Variants in NFILZ observed in about 807,000 individuals in gnomAD.
NFILZ encodes NFIL3 like basic leucine zipper.
At chr19:8,664,619 G>A (rs530789450) in intron 3 of NFILZ, among the ~76,000 whole-genome samples, 8 of 152,282 alleles carry the variant, frequency 5.3e-5, no homozygotes, top group African/African-American at 1.9e-4. Context: ...ATCAGATTGA[G>A]AGTGCAGGGC....
At chr19:8,673,784 C>A (rs1555750496) in intron 3 of NFILZ, among the ~76,000 whole-genome samples, 1 of 152,148 alleles carries the variant, frequency 6.6e-6, no homozygotes, top group African/African-American at 2.4e-5. Context: ...TGGAGACCTT[C>A]CAGTAGCTAG....
At chr19:8,633,546 C>T (rs183713768) in intron 2 of NFILZ, among the ~76,000 whole-genome samples, 21 of 152,184 alleles carry the variant, frequency 1.4e-4, no homozygotes, top group African/African-American at 4.8e-4. Context: ...GGACCCTTGC[C>T]TAGGCTCTGA....
intron 3 of NFILZ, among the ~76,000 whole-genome samples, chr19:8,647,351 C>A (rs2042943198): frequency 6.6e-6 from 1 of 152,134 alleles, no homozygotes; most frequent in African/African-American, 2.4e-5. Context: ...GTGGGTGGAT[C>A]ACCTGAGGTC....
At position 8,678,183 on chromosome 19, in the gene NFILZ, A is replaced by ACTTG. The variant is rs2043126832; in HGVS notation, c.*548_*549insCTTG. Among the ~76,000 whole-genome samples, 1 of 49,116 alleles carries ACTTG rather than the reference A, an allele frequency of 2.0e-5. No homozygotes were observed. Among genetic ancestry groups the ACTTG allele is most frequent in the Non-Finnish European group, 4.2e-5 (1 of 23,850 alleles). 32.2% of individuals were successfully genotyped at this position (49,116 alleles called of 152,430 possible). On this transcript the variant is annotated 3_prime_UTR_variant, in exon 6 of 6. Transcript: ENST00000691075. ...CATCCATCCATCCATCCATCCATCCATCCATCCGTCCATCTATCCATCCAT... is the reference window on the plus strand; with the variant it reads ...CATCCATCCATCCATCCATCCATCCACTTGTCCATCCGTCCATCTATCCATCCAT...
chr19:8,631,922 T>G, intron 1 of NFILZ, among the ~76,000 whole-genome samples: 1 of 151,242 alleles, frequency 6.6e-6, no homozygotes, highest in South Asian at 2.1e-4. Context: ...CAGGCTGCAA[T>G]GCAGTGGCTC....
At chr19:8,648,746 G>A (rs2042953047) in intron 3 of NFILZ, among the ~76,000 whole-genome samples, 1 of 151,778 alleles carries the variant, frequency 6.6e-6, no homozygotes, top group African/African-American at 2.4e-5. Flanking sequence ...CAGCTACTTG[G>A]GAGGCTGAGG....
intron 3 of NFILZ, among the ~76,000 whole-genome samples, chr19:8,640,248 G>A (rs1408230827): frequency 6.6e-6 from 1 of 151,160 alleles, no homozygotes; most frequent in African/African-American, 2.4e-5. Context: ...CTGCCTGCAG[G>A]TTGCCTCTCA....
intron 2 of NFILZ, among the ~76,000 whole-genome samples, chr19:8,633,149 T>C (rs1249289089): frequency 6.6e-6 from 1 of 151,358 alleles, no homozygotes; most frequent in African/African-American, 2.4e-5. Flanking sequence ...GCCTCCTGAC[T>C]GATTGAGATT....
At chr19:8,650,148 G>C (rs1399368323) in intron 3 of NFILZ, among the ~76,000 whole-genome samples, 1 of 151,582 alleles carries the variant, frequency 6.6e-6, no homozygotes, top group Non-Finnish European at 1.5e-5. Flanking sequence ...AAATTACTGC[G>C]GTTACAGCTG....
chr19:8,654,274 A>G (rs2042982145), intron 3 of NFILZ, among the ~76,000 whole-genome samples: 1 of 149,462 alleles, frequency 6.7e-6, no homozygotes, highest in South Asian at 2.1e-4. Flanking sequence ...AAACCAAAAA[A>G]CCAAAAACCA....
chr19:8,656,636 A>G (rs1402106463), intron 3 of NFILZ, among the ~76,000 whole-genome samples: 5 of 151,888 alleles, frequency 3.3e-5, no homozygotes, highest in Non-Finnish European at 7.4e-5. Context: ...TGCTCCCCAC[A>G]CAGCACAGCT....
At position 8,663,750 on chromosome 19, in the gene NFILZ, G is replaced by GTATGTGTGTA. The variant is rs1403759520; in HGVS notation, c.-163-10800_-163-10799insATGTGTGTAT. The stretch of plus-strand genomic sequence containing the variant: ...TGTGTGTGTGTGTGTGTGTGTGTGT[G>GTATGTGTGTA]TGTGTGTGTGTGTGTGTGTGTATGT... On this transcript the variant is annotated intron_variant, in intron 3 of 5. Transcript: ENST00000691075. Among the ~76,000 whole-genome samples the GTATGTGTGTA allele has an allele frequency of 2.9e-4, 40 of 137,056 alleles. No individual in the cohort carries two copies. The East Asian group carries it at 4.2e-3, about 15-fold the overall frequency. 89.9% of individuals were successfully genotyped at this position (137,056 alleles called of 152,430 possible).
rs549176236 is a variant in NFILZ at position 8,638,201 on chromosome 19, C to T, written c.-164+2455C>T. ...TTCTACAACGAACTCATTGCCATTC[C>T]GCGGTAAACGCTAAGCCAGGCGTCA... On this transcript the variant is annotated intron_variant, in intron 3 of 5. Transcript: ENST00000691075. Among the ~76,000 whole-genome samples the T allele has an allele frequency of 2.1e-3, 325 of 152,284 alleles. 1 individual carries two copies. Among genetic ancestry groups the T allele is most frequent in the African/African-American group, 7.0e-3 (293 of 41,566 alleles).
intron 3 of NFILZ, among the ~76,000 whole-genome samples, chr19:8,664,885 C>A (rs557360292): frequency 1.8e-4 from 28 of 152,180 alleles, no homozygotes; most frequent in African/African-American, 5.8e-4. Context: ...TGCTTGCACA[C>A]CCCCTGTGAC....
intron 3 of NFILZ, among the ~76,000 whole-genome samples, chr19:8,641,771 T>C (rs921013301): frequency 6.6e-6 from 1 of 152,118 alleles, no homozygotes; most frequent in African/African-American, 2.4e-5. Flanking sequence ...AGGGATGCTA[T>C]GAGGATCACA....
chr19:8,656,386 TTCTCCCGCAGCCCA>T (rs2042998470), intron 3 of NFILZ, among the ~76,000 whole-genome samples: 2 of 140,336 alleles, frequency 1.4e-5, no homozygotes, highest in African/African-American at 2.9e-5. Context: ...GAAGCCCACC[TTCTCCCGCAGCCCA>T]CCTTCTCTCT....
intron 3 of NFILZ, among the ~76,000 whole-genome samples, chr19:8,662,016 G>A (rs990375868): frequency 2.0e-5 from 3 of 151,918 alleles, no homozygotes; most frequent in African/African-American, 4.8e-5. Flanking sequence ...CCTGGGCAAC[G>A]TAGCAAGACC....
intron 1 of NFILZ, among the ~76,000 whole-genome samples, chr19:8,631,891 T>C (rs2042871903): frequency 1.3e-5 from 2 of 148,624 alleles, no homozygotes; most frequent in Admixed American, 6.8e-5. Flanking sequence ...TTTTTTGAGA[T>C]GGGGTTTCGC....
chr19:8,642,927 C>T lies in NFILZ; in HGVS notation c.-164+7181C>T, dbSNP rs139591733. On this transcript the variant is annotated intron_variant, in intron 3 of 5. Transcript: ENST00000691075. ...GGCGAGTGGTTGGGTGTTGAATCGT[C>T]AGTTTCAACTTAAAGGATTTTGACT... is the stretch of plus-strand genomic sequence containing the variant. 3.7e-3 allele frequency among the ~76,000 whole-genome samples: 544 copies of T among 148,386 alleles called. 6 individuals are homozygous for T. The highest frequency in any genetic ancestry group is 5.4e-3 in the Admixed American group (78 of 14,572).
Sources: allele counts gnomAD v4.1 joint callset (sites outside exome capture counted in the v4.1 genomes callset), GRCh38; gene constraint gnomAD v4.1.1; transcripts MANE v1.5; gene names NCBI Gene and HGNC (gene_info 2026-07-23, HGNC 2026-07-21).